The following GPM6A variants were observed in gnomAD, a reference collection of about 807,000 sequenced individuals.
The protein encoded by GPM6A is neuronal membrane glycoprotein M6-a.
Under a neutral mutation model 32.1 loss-of-function variants are expected in GPM6A, and 7 were observed. The ratio of observed to expected loss-of-function variants is 0.22; its 90% CI spans 0.12 to 0.41. The LOEUF (loss-of-function observed/expected upper bound fraction) is 0.41, where lower values mean the gene tolerates loss of function less well. Ranked by LOEUF, GPM6A falls within the 10% of genes least tolerant of loss-of-function variation. The pLI, the probability that GPM6A is intolerant of heterozygous loss-of-function variation, is 1.00. For missense variants in GPM6A, 235 were observed against 347.2 expected, an observed-to-expected ratio of 0.68 and a Z score of 2.57; for synonymous variants, 130 against 123.4, an observed-to-expected ratio of 1.05 and a Z score of -0.35.
chr4:175,789,809 T>G (rs1226162312), intron 1 of GPM6A, among the ~76,000 whole-genome samples: 1 of 152,214 alleles, frequency 6.6e-6, no homozygotes, highest in Admixed American at 6.5e-5. Context: ...ATGGCAGAAC[T>G]GGCCAGCAAA....
intron 3 of GPM6A, among the ~76,000 whole-genome samples, chr4:175,663,141 C>A (rs919951011): frequency 3.9e-5 from 6 of 152,158 alleles, no homozygotes; most frequent in African/African-American, 1.4e-4. Flanking sequence ...TTTGGCAATG[C>A]ATTACAAAAC....
chr4:175,963,403 C>T (rs7671303), intron 1 of GPM6A, among the ~76,000 whole-genome samples: 12,135 of 150,068 alleles, frequency 0.081, 1,525 homozygotes, highest in African/African-American at 0.27. Context: ...TGAAAGAAGC[C>T]GGGTTGGGGT....
intron 2 of GPM6A, among the ~76,000 whole-genome samples, chr4:175,693,296 A>C (rs531717047): frequency 1.3e-5 from 2 of 148,200 alleles, no homozygotes; most frequent in South Asian, 4.2e-4. Flanking sequence ...ATACATATAT[A>C]TATAAAATAT....
At chr4:175,983,814 ATTC>A (rs1202223232) in intron 1 of GPM6A, among the ~76,000 whole-genome samples, 1 of 152,074 alleles carries the variant, frequency 6.6e-6, no homozygotes, top group Admixed American at 6.6e-5. Flanking sequence ...GATTTTCGTT[ATTC>A]TTTCTTTCTG....
intron 1 of GPM6A, among the ~76,000 whole-genome samples, chr4:175,703,014 C>A (rs1198547478): frequency 6.6e-6 from 1 of 152,108 alleles, no homozygotes; most frequent in East Asian, 1.9e-4. Context: ...CAAATTTATT[C>A]TTTTGAGCTT....
chr4:175,754,177 T>C (rs1211861749), intron 1 of GPM6A, among the ~76,000 whole-genome samples: 1 of 152,132 alleles, frequency 6.6e-6, no homozygotes, highest in Non-Finnish European at 1.5e-5. Context: ...AAACACTGAG[T>C]GAACTGTGGT....
intron 1 of GPM6A, among the ~76,000 whole-genome samples, chr4:175,793,556 A>G (rs1734095577): frequency 6.6e-6 from 1 of 151,962 alleles, no homozygotes; most frequent in South Asian, 2.1e-4. Flanking sequence ...TTGTATTTCT[A>G]TTAGAGAAAG....
chr4:175,703,678 T>C (rs113842058), intron 1 of GPM6A, among the ~76,000 whole-genome samples: 192 of 152,358 alleles, frequency 1.3e-3, no homozygotes, highest in African/African-American at 4.5e-3. Context: ...GCTAGATATC[T>C]TCTAAGAAAT....
chr4:175,705,703 G>A (rs931685056), intron 1 of GPM6A, among the ~76,000 whole-genome samples: 3 of 152,018 alleles, frequency 2.0e-5, no homozygotes, highest in African/African-American at 7.3e-5. Context: ...TTAAGGCTGC[G>A]GATCTTGCTG....
At chr4:175,937,965 A>T (rs1265641003) in intron 1 of GPM6A, among the ~76,000 whole-genome samples, 1 of 152,100 alleles carries the variant, frequency 6.6e-6, no homozygotes, top group Non-Finnish European at 1.5e-5. Flanking sequence ...ACCCTATTTA[A>T]TTCTAAAGTT....
intron 1 of GPM6A, among the ~76,000 whole-genome samples, chr4:175,834,746 CACT>C (rs1735713165): frequency 1.3e-5 from 2 of 152,182 alleles, no homozygotes; most frequent in Non-Finnish European, 2.9e-5. Flanking sequence ...TTATTACCAT[CACT>C]ACTATTAGAA....
At chr4:175,703,819 C>T (rs533204519) in intron 1 of GPM6A, among the ~76,000 whole-genome samples, 2 of 152,234 alleles carry the variant, frequency 1.3e-5, no homozygotes, top group African/African-American at 2.4e-5. Context: ...CAAGGATGAC[C>T]TAGGTTCCAT....
rs569587683 is a variant in GPM6A, at chr4:175,734,808, G to A, written c.38-33041C>T. Among the ~76,000 whole-genome samples, 5 of 152,264 alleles carry A rather than the reference G, an allele frequency of 3.3e-5. No individual in the cohort carries two copies. The East Asian group carries it at 9.7e-4, about 29-fold the overall frequency. On this transcript the variant is annotated intron_variant, in intron 1 of 6. Coordinates refer to ENST00000393658, the MANE Select transcript of GPM6A (RefSeq NM_201591.3). ...GAATCGCTTGAACCTGGGAAGTGAA[G>A]GTTGCAGTGAGCCGAGATTGAGCCA...
intron 1 of GPM6A, among the ~76,000 whole-genome samples, chr4:175,778,274 TA>T (rs1733472089): frequency 6.6e-6 from 1 of 152,050 alleles, no homozygotes; most frequent in Non-Finnish European, 1.5e-5. Context: ...TACTACTATT[TA>T]AAATTCAAGT....
Position 175,867,650 on chromosome 4 carries a change from T to C in GPM6A, c.-22-55401A>G, listed in dbSNP as rs142796573. 6.5e-3 allele frequency among the ~76,000 whole-genome samples: 993 copies of C among 152,316 alleles called. 6 individuals carry two copies. The highest frequency in any genetic ancestry group is 0.044 in the Middle Eastern group (13 of 294). ...ATTTCTATTTCCATAGATCTACTGA[T>C]CTATTCTTTAGCCAATATTGCATTG... On this transcript the variant is annotated intron_variant, in intron 1 of 7. Transcript: ENST00000280187.
intron 1 of GPM6A, among the ~76,000 whole-genome samples, chr4:175,858,741 G>A (rs1303822664): frequency 6.6e-6 from 1 of 152,098 alleles, no homozygotes; most frequent in African/African-American, 2.4e-5. Flanking sequence ...CAAGAGAAAC[G>A]AAGGTGTGTG....
chr4:175,963,210 A>C (rs1740222344), intron 1 of GPM6A, among the ~76,000 whole-genome samples: 1 of 152,148 alleles, frequency 6.6e-6, no homozygotes, highest in African/African-American at 2.4e-5. Context: ...GAATTCAAGA[A>C]GGAGGGAGAG....
intron 1 of GPM6A, among the ~76,000 whole-genome samples, chr4:175,937,775 T>G (rs1366621035): frequency 1.3e-5 from 2 of 151,980 alleles, no homozygotes; most frequent in African/African-American, 4.8e-5. Context: ...AATTAAAATA[T>G]AAAAAAGATC....
chr4:175,639,241 G>A (rs747718516), intron 6 of GPM6A, among the ~76,000 whole-genome samples: 1 of 152,064 alleles, frequency 6.6e-6, no homozygotes, highest in Non-Finnish European at 1.5e-5. Flanking sequence ...TAGCACATTA[G>A]TATTTTCTCA....
Sources: gnomAD v4.1 joint callset for allele counts (sites outside exome capture counted in the v4.1 genomes callset) on GRCh38, gnomAD v4.1.1 for gene constraint, MANE v1.5 for transcripts, NCBI Gene and HGNC (gene_info 2026-07-23, HGNC 2026-07-21) for gene names.